Variants in SEPTIN10 observed in about 807,000 individuals in gnomAD.
SEPTIN10 encodes the protein septin 10.
In SEPTIN10, 66 loss-of-function variants were observed where a neutral mutation model predicts 54.8. That is an observed-to-expected ratio of 1.21 (90% CI 0.99 to 1.48). The LOEUF (loss-of-function observed/expected upper bound fraction) is 1.48, where lower values mean the gene tolerates loss of function less well. Ranked by LOEUF, SEPTIN10 falls within the 40% of genes most tolerant of loss-of-function variation. SEPTIN10 has a pLI of 0.00. For synonymous variants in SEPTIN10, 161 were observed against 181.0 expected, an observed-to-expected ratio of 0.89 and a Z score of 0.89; for missense variants, 620 against 545.6, an observed-to-expected ratio of 1.14 and a Z score of -1.36.
chr2:109,600,599 G>A (rs1024285456), intron 1 of SEPTIN10, among the ~76,000 whole-genome samples: 1 of 147,794 alleles, frequency 6.8e-6, no homozygotes, highest in Non-Finnish European at 1.5e-5. Context: ...GGATAATTTT[G>A]TGACCAAATG....
chr2:109,592,713 G>T (rs1339609628), intron 2 of SEPTIN10, among the ~76,000 whole-genome samples: 1 of 151,184 alleles, frequency 6.6e-6, no homozygotes, highest in Non-Finnish European at 1.5e-5. Context: ...CCGGGAGGCA[G>T]AGGTTGCAGT....
chr2:109,554,493 A>G (rs991848782), intron 8 of SEPTIN10, among the ~76,000 whole-genome samples: 2 of 152,178 alleles, frequency 1.3e-5, no homozygotes, highest in African/African-American at 4.8e-5. Context: ...ACAGCATGCC[A>G]TTCCATTGCA....
chr2:109,568,013 A>ATT, intron 5 of SEPTIN10, 37 bp from the exon 6 acceptor site: 35 of 1,266,080 alleles, frequency 2.8e-5, no homozygotes, highest in Non-Finnish European at 3.4e-5. Flanking sequence ...CTTACTGAGG[A>ATT]TTTTTTTTTT....
At chr2:109,561,086 C>G (rs891284156) in intron 8 of SEPTIN10, among the ~76,000 whole-genome samples, 1 of 152,086 alleles carries the variant, frequency 6.6e-6, no homozygotes, top group African/African-American at 2.4e-5. Flanking sequence ...GGACAAAGAT[C>G]AAAATCCTCC....
intron 1 of SEPTIN10, among the ~76,000 whole-genome samples, chr2:109,595,614 G>A (rs1377876108): frequency 6.6e-6 from 1 of 152,150 alleles, no homozygotes; most frequent in Non-Finnish European, 1.5e-5. Context: ...AGTGAGTCAG[G>A]AAAGAGGTAT....
intron 1 of SEPTIN10, among the ~76,000 whole-genome samples, chr2:109,593,445 AC>A (rs1380970045): frequency 2.2e-5 from 3 of 134,216 alleles, no homozygotes; most frequent in Non-Finnish European, 3.0e-5. Context: ...TTGCTCTGTC[AC>A]CCAGACTGGA....
intron 1 of SEPTIN10, among the ~76,000 whole-genome samples, chr2:109,607,316 A>G (rs979123527): frequency 6.6e-6 from 1 of 152,188 alleles, no homozygotes; most frequent in Non-Finnish European, 1.5e-5. Flanking sequence ...TATAATGTAC[A>G]GAGTATTTAG....
chr2:109,577,686 G>A (rs1159514977), intron 4 of SEPTIN10, among the ~76,000 whole-genome samples: 1 of 151,852 alleles, frequency 6.6e-6, no homozygotes, highest in African/African-American at 2.4e-5. Context: ...GCCAAGGTGA[G>A]AAGATCGCTT....
intron 2 of SEPTIN10, among the ~76,000 whole-genome samples, chr2:109,590,046 A>G (rs1442590995): frequency 1.4e-5 from 2 of 147,754 alleles, no homozygotes; most frequent in East Asian, 2.0e-4. Context: ...ACACACATAT[A>G]TATGTGTGTG....
chr2:109,570,287 A>T (rs1166172236), intron 5 of SEPTIN10, among the ~76,000 whole-genome samples: 2 of 152,118 alleles, frequency 1.3e-5, no homozygotes, highest in Non-Finnish European at 2.9e-5. Flanking sequence ...GTTACCATAA[A>T]ATATTTCATT....
At chr2:109,605,392 C>T (rs571373374) in intron 1 of SEPTIN10, 2 of 152,124 alleles carry the variant, frequency 1.3e-5, no homozygotes, top group Non-Finnish European at 2.9e-5. Flanking sequence ...ATCGTTTGAA[C>T]CCGGGAAATG....
At chr2:109,553,267 G>A (rs768771297) in intron 8 of SEPTIN10, 48 bp from the exon 9 acceptor site, 37 of 1,600,342 alleles carry the variant, frequency 2.3e-5, no homozygotes, top group East Asian at 2.0e-4. Flanking sequence ...GATATAGGTC[G>A]GGTATGGCGG....
At chr2:109,582,443 C>A (rs746866437) in intron 4 of SEPTIN10, among the ~76,000 whole-genome samples, 9 of 152,050 alleles carry the variant, frequency 5.9e-5, no homozygotes, top group Non-Finnish European at 1.0e-4. Flanking sequence ...CTTCAGCCTC[C>A]CGAGTAGCTG....
chr2:109,611,310 C>G (rs1699204956), intron 1 of SEPTIN10, among the ~76,000 whole-genome samples: 1 of 152,092 alleles, frequency 6.6e-6, no homozygotes, highest in South Asian at 2.1e-4. Flanking sequence ...AAAGCACAAT[C>G]CATAAAAGGA....
chr2:109,584,696 T>C (rs1201683441), intron 4 of SEPTIN10, among the ~76,000 whole-genome samples: 1 of 152,156 alleles, frequency 6.6e-6, no homozygotes, highest in Non-Finnish European at 1.5e-5. Flanking sequence ...CCTGCAATGA[T>C]TAATAATGTA....
In SEPTIN10 at chr2:109,574,691, G is replaced by C. The variant is rs368911337; in HGVS notation, c.490C>G (p.Leu164Val). Residue 164 changes from leucine to valine, a missense_variant, in exon 5 of 11, where the codon CTC becomes GTC. By Grantham distance (32) the Leu-to-Val change is conservative. Transcript: ENST00000397712. ...LQEELKIKRS[L>V]FTYHDSRIHV... ...ATGCGAGAATCATGGTAGGTAAAGA[G>C]AGAACGCTTAATCTTCAGTTCTTCT... is the stretch of plus-strand genomic sequence containing the variant. The C allele has an allele frequency of 1.2e-5, 19 of 1,610,006 alleles. No homozygotes were observed. Among genetic ancestry groups the C allele is most frequent in the Non-Finnish European group, 1.2e-5 (14 of 1,178,164 alleles).
intron 1 of SEPTIN10, among the ~76,000 whole-genome samples, chr2:109,593,836 A>G (rs1194271505): frequency 2.0e-5 from 3 of 152,204 alleles, no homozygotes; most frequent in Non-Finnish European, 4.4e-5. Context: ...CAGGGATTTT[A>G]TAATTTGAAC....
At chr2:109,602,624 G>A (rs1226142792) in intron 1 of SEPTIN10, among the ~76,000 whole-genome samples, 35 of 149,574 alleles carry the variant, frequency 2.3e-4, no homozygotes, top group East Asian at 2.0e-4. Flanking sequence ...GCAGTGAGCC[G>A]AGATCGCACC....
At chr2:109,565,906 G>T in intron 6 of SEPTIN10, 47 bp from the exon 7 acceptor site, 2 of 1,448,290 alleles carry the variant, frequency 1.4e-6, no homozygotes, top group Non-Finnish European at 1.9e-6. Context: ...TGTGATAACT[G>T]ACTAGATAAA....
Sources: allele counts gnomAD v4.1 joint callset (sites outside exome capture counted in the v4.1 genomes callset), GRCh38; gene constraint gnomAD v4.1.1; transcripts MANE v1.5; gene names NCBI Gene and HGNC (gene_info 2026-07-23, HGNC 2026-07-21).